RBM19: variants seen among roughly 807,000 people sequenced by gnomAD.
The protein encoded by RBM19 is probable RNA-binding protein 19.
RBM19 carries 94 observed loss-of-function variants against 116.8 expected under a neutral mutation model. The observed-to-expected ratio is 0.80, with a 90% confidence interval of 0.68 to 0.95. The LOEUF (loss-of-function observed/expected upper bound fraction) is 0.95, where lower values mean the gene tolerates loss of function less well. Ranked by LOEUF, RBM19 falls within the 40% of genes least tolerant of loss-of-function variation. RBM19 has a pLI of 0.00. For missense variants in RBM19, 1,161 were observed against 1,220.7 expected, an observed-to-expected ratio of 0.95 and a Z score of 0.73; for synonymous variants, 475 against 494.1, an observed-to-expected ratio of 0.96 and a Z score of 0.51.
At position 113,903,824 on chromosome 12, in the gene RBM19, G is replaced by A. The variant is rs1194980600; in HGVS notation, c.2558+11145C>T. 6.6e-6 allele frequency among the ~76,000 whole-genome samples: 1 copy of A among 152,122 alleles called. No homozygotes were observed. Among genetic ancestry groups the A allele is most frequent in the East Asian group, 1.9e-4 (1 of 5,198 alleles). On this transcript the variant is annotated intron_variant, in intron 21 of 23. Transcript: ENST00000261741. The surrounding 1 kb of genome is among the most constrained non-coding windows in gnomAD (Gnocchi z 5.1). ...TCTTGATATAATCTGGGTAGTTCCT[G>A]TCTCTCCCTCCTAAAATAAGAGGAC... is the stretch of plus-strand genomic sequence containing the variant.
rs1870144253 is a variant in RBM19, at chr12:113,937,126, A to G, written c.1949T>C (p.Val650Ala). The G allele has an allele frequency of 6.2e-7, 1 of 1,613,840 alleles. No individual in the cohort carries two copies. ...RHLAYSKFHHVPLYLEWAPVG... is the reference protein window; with the variant it reads ...RHLAYSKFHHAPLYLEWAPVG... ...TGGAGCCCACTCCAGATAGAGGGGG[A>G]CATGATGGAACTGCAGAGACAAGAG... is the stretch of plus-strand genomic sequence containing the variant. The change falls in exon 16 of 24, where the codon GTC becomes GCC. Residue 650 changes from valine (V) to alanine (A), a missense_variant. Val to Ala is a moderately conservative substitution (Grantham distance 64). Coordinates refer to ENST00000261741, the MANE Select transcript of RBM19 (RefSeq NM_016196.4).
downstream of RBM19, among the ~76,000 whole-genome samples, chr12:113,819,648 G>T (rs1222855116): frequency 6.6e-6 from 1 of 152,150 alleles, no homozygotes; most frequent in Non-Finnish European, 1.5e-5. Context: ...CTTTCAGAAA[G>T]CTCCCGTGTC....
intron 12 of RBM19, 40 bp downstream of exon 12, chr12:113,946,314 G>A (rs574916108): frequency 1.9e-6 from 3 of 1,613,754 alleles, no homozygotes; most frequent in East Asian, 2.2e-5. Flanking sequence ...GTGGCAGAGG[G>A]TTGGGGTTGG....
chr12:113,828,733 C>A (rs753042755), intron 23 of RBM19, among the ~76,000 whole-genome samples: 18 of 152,234 alleles, frequency 1.2e-4, no homozygotes. Flanking sequence ...TGGGAGGCTG[C>A]CTGCTCTGGA....
intron 5 of RBM19, among the ~76,000 whole-genome samples, chr12:113,958,871 C>T (rs1178418121): frequency 6.6e-6 from 1 of 152,194 alleles, no homozygotes; most frequent in Non-Finnish European, 1.5e-5. Flanking sequence ...CTATGATATA[C>T]CCAACAGTGG....
At chr12:113,878,826 G>GA (rs55682400) in intron 21 of RBM19, among the ~76,000 whole-genome samples, 1,768 of 79,056 alleles carry the variant, frequency 0.022, 30 homozygotes, top group Admixed American at 0.058. Context: ...CCAAAGAATT[G>GA]AAAAAAAAAA....
intron 2 of RBM19, among the ~76,000 whole-genome samples, chr12:113,960,926 G>A (rs942356479): frequency 6.6e-6 from 1 of 152,130 alleles, no homozygotes; most frequent in African/African-American, 2.4e-5. Flanking sequence ...GAGAGCGCTG[G>A]TTACTGGGGC....
chr12:113,834,175 A>G (rs1001398160), intron 23 of RBM19, among the ~76,000 whole-genome samples: 6 of 152,080 alleles, frequency 3.9e-5, no homozygotes, highest in Admixed American at 3.9e-4. Flanking sequence ...CAGCTCCATG[A>G]GGGAGGACTT....
At chr12:113,928,661 G>GTGTGTCTC (rs1555242499) in intron 16 of RBM19, among the ~76,000 whole-genome samples, 15 of 149,396 alleles carry the variant, frequency 1.0e-4, no homozygotes. Context: ...GTGTGTGTGT[G>GTGTGTCTC]TCTGCAGCTC....
chr12:113,924,893 T>A (rs1251071954), intron 17 of RBM19, 136 bp from the exon 18 acceptor site: 2 of 725,762 alleles, frequency 2.8e-6, no homozygotes, highest in African/African-American at 3.5e-5. Flanking sequence ...TGATGAGTGA[T>A]GACCTCCTTT....
At chr12:113,839,570 T>C (rs777117343) in intron 23 of RBM19, among the ~76,000 whole-genome samples, 2 of 152,220 alleles carry the variant, frequency 1.3e-5, no homozygotes, top group Non-Finnish European at 2.9e-5. Flanking sequence ...CGTGCCTCAG[T>C]TCCCCTATCT....
intron 14 of RBM19, among the ~76,000 whole-genome samples, chr12:113,941,785 C>A (rs1566031424): frequency 6.6e-6 from 1 of 152,096 alleles, no homozygotes; most frequent in Non-Finnish European, 1.5e-5. Flanking sequence ...AGTCAGAAGC[C>A]CTGAGTTTTA....
chr12:113,944,892 C>CAT, intron 13 of RBM19, among the ~76,000 whole-genome samples: 1 of 151,340 alleles, frequency 6.6e-6, no homozygotes, highest in Admixed American at 6.6e-5. Flanking sequence ...CATTTATATA[C>CAT]ATATACACAC....
At chr12:113,965,608 G>C (rs913270765) in intron 1 of RBM19, among the ~76,000 whole-genome samples, 3 of 152,184 alleles carry the variant, frequency 2.0e-5, no homozygotes, top group East Asian at 3.9e-4. Context: ...CTAATATTAC[G>C]TACATTCACC....
At chr12:113,846,644 G>T (rs373901102) in intron 22 of RBM19, among the ~76,000 whole-genome samples, 4 of 152,156 alleles carry the variant, frequency 2.6e-5, no homozygotes. Context: ...GATTTCCCTC[G>T]GAAGGAACCA....
chr12:113,918,500 G>T, intron 19 of RBM19, 53 bp from the exon 20 acceptor site: 2 of 1,586,934 alleles, frequency 1.3e-6, no homozygotes, highest in Admixed American at 1.7e-5. Flanking sequence ...ATACTCACCC[G>T]AATCCTTGCC....
intron 10 of RBM19, among the ~76,000 whole-genome samples, chr12:113,948,351 A>G (rs1325743952): frequency 1.3e-5 from 2 of 152,216 alleles, no homozygotes; most frequent in East Asian, 1.9e-4. Context: ...AATAACAGCA[A>G]CAACAACACT....
At position 113,927,140 on chromosome 12, in the gene RBM19, C is replaced by G; in HGVS notation, c.2158G>C (p.Glu720Gln). 6.2e-7 allele frequency: 1 copy of G among 1,611,294 alleles called. No homozygotes were observed. Among genetic ancestry groups the G allele is most frequent in the Non-Finnish European group, 8.5e-7 (1 of 1,178,838 alleles). ...GGGAGGCTCTCTTCTTCTTCTTCCT[C>G]TTCCTCCTCCTCCTCTTCCATCTTT... ...SAKMEEEEEE[E>Q]EEEEESLPGC... The change falls in exon 17 of 24, where the codon GAG (glutamate) becomes CAG (glutamine). Residue 720 changes from glutamate (E) to glutamine (Q), a missense_variant. By Grantham distance (29) the Glu-to-Gln change is conservative (BLOSUM62 2). Transcript: ENST00000261741.
At chr12:113,827,432 G>C (rs1015716439) in intron 23 of RBM19, among the ~76,000 whole-genome samples, 9 of 147,432 alleles carry the variant, frequency 6.1e-5, no homozygotes, top group Non-Finnish European at 1.2e-4. Flanking sequence ...GCCAGCCTGT[G>C]TCTCTCCCTT....
Sources: gnomAD v4.1 joint callset for allele counts (sites outside exome capture counted in the v4.1 genomes callset) on GRCh38, gnomAD v4.1.1 for gene constraint, Gnocchi (gnomAD v3.1) non-coding constraint, MANE v1.5 for transcripts, NCBI Gene and HGNC (gene_info 2026-07-23, HGNC 2026-07-21) for gene names.